PHF24: variants seen among roughly 807,000 people sequenced by gnomAD.
The protein encoded by PHF24 is Galpha inhibitory interacting protein.
In PHF24, 25 loss-of-function variants were observed where a neutral mutation model predicts 42.6. The observed-to-expected ratio is 0.59, with a 90% CI of 0.43 to 0.82. The LOEUF (loss-of-function observed/expected upper bound fraction) is 0.82, where lower values mean the gene tolerates loss of function less well. PHF24 is among the 40% of genes least tolerant of loss of function. The probability of loss-of-function intolerance (pLI) is 0.00; values close to 1 mark genes in which losing one functional copy is unlikely to be tolerated. For missense variants in PHF24, 470 were observed against 538.1 expected (o/e 0.87, Z 1.25); for synonymous variants, 185 against 204.8 (o/e 0.90, Z 0.83).
chr9:34,912,390 G>C, the PHF24 span, among the ~76,000 whole-genome samples: 1 of 152,146 alleles, frequency 6.6e-6, no homozygotes, highest in South Asian at 2.1e-4. Context: ...CTGGTAAAAA[G>C]GGGCTCCTGA....
At chr9:34,976,844 C>A in intron 5 of PHF24, 104 bp downstream of exon 5, 2 of 1,061,806 alleles carry the variant, frequency 1.9e-6, no homozygotes, top group Non-Finnish European at 2.7e-6. Context: ...CAAGCAGGGA[C>A]AAGTATCAGG....
At chr9:34,909,134 C>G in the PHF24 span, among the ~76,000 whole-genome samples, 1 of 152,166 alleles carries the variant, frequency 6.6e-6, no homozygotes, top group East Asian at 1.9e-4. Context: ...AGGTGAGCCA[C>G]CATGCCCGGC....
the PHF24 span, among the ~76,000 whole-genome samples, chr9:34,680,716 A>AAT: frequency 8.5e-5 from 12 of 141,274 alleles, no homozygotes; most frequent in South Asian, 2.1e-4. Flanking sequence ...ATAAAAAAAA[A>AAT]AATAAAATAA....
chr9:34,982,452 C>G lies in PHF24; in HGVS notation c.*4341C>G, dbSNP rs536926837. Reference sequence around the variant, plus strand: ...TCCCTGTCTCTACAGCTGCATGCTCCTCTGCGTGGCCCAGCCTTCACAGCG... The same window carrying G: ...TCCCTGTCTCTACAGCTGCATGCTCGTCTGCGTGGCCCAGCCTTCACAGCG... On this transcript the variant is annotated 3_prime_UTR_variant, in exon 8 of 8. Coordinates refer to ENST00000242315, the Ensembl canonical transcript of PHF24. 3 of 152,396 alleles carry G rather than the reference C, an allele frequency of 2.0e-5. No homozygotes were observed. In the South Asian group the frequency reaches 6.2e-4, roughly 32 times the overall value. The allele number at this position is 152,396 out of a possible 1,614,324, so 9.4% of individuals were successfully genotyped here.
chr9:34,945,956 A>G, the PHF24 span, among the ~76,000 whole-genome samples: 1 of 152,220 alleles, frequency 6.6e-6, no homozygotes, highest in Non-Finnish European at 1.5e-5. Context: ...ACATCTTGTC[A>G]GAATAAGCCT....
At chr9:34,715,610 G>C in the PHF24 span, among the ~76,000 whole-genome samples, 4 of 152,176 alleles carry the variant, frequency 2.6e-5, no homozygotes, top group South Asian at 4.1e-4. Flanking sequence ...AGAGAAACTG[G>C]CTACTTTGTG....
At chr9:34,909,777 A>G in the PHF24 span, among the ~76,000 whole-genome samples, 2 of 152,040 alleles carry the variant, frequency 1.3e-5, no homozygotes, top group Admixed American at 6.5e-5. Flanking sequence ...ATCCGCCACC[A>G]TGCCTGGCTA....
At chr9:34,818,966 G>T in the PHF24 span, among the ~76,000 whole-genome samples, 1 of 152,176 alleles carries the variant, frequency 6.6e-6, no homozygotes, top group Non-Finnish European at 1.5e-5. Flanking sequence ...TTTAATGACA[G>T]TTTCAAGTTT....
the PHF24 span, among the ~76,000 whole-genome samples, chr9:34,744,047 G>T: frequency 6.6e-6 from 1 of 152,310 alleles, no homozygotes; most frequent in East Asian, 1.9e-4. Flanking sequence ...CTCTGCTCTT[G>T]TGACCTAATT....
the PHF24 span, among the ~76,000 whole-genome samples, chr9:34,892,029 C>G: frequency 6.6e-6 from 1 of 152,198 alleles, no homozygotes. Flanking sequence ...GGGCCAAAGC[C>G]TCCCCTGTTT....
the PHF24 span, among the ~76,000 whole-genome samples, chr9:34,786,378 A>T: frequency 1.3e-5 from 2 of 152,132 alleles, no homozygotes; most frequent in African/African-American, 4.8e-5. Flanking sequence ...CAAAGTTTAA[A>T]CTGCCTTCAT....
At chr9:34,779,377 C>T in the PHF24 span, among the ~76,000 whole-genome samples, 1 of 152,090 alleles carries the variant, frequency 6.6e-6, no homozygotes, top group Admixed American at 6.6e-5. Context: ...CTTTAACTTT[C>T]CTATGTGTTT....
At chr9:34,693,492 G>A in the PHF24 span, among the ~76,000 whole-genome samples, 3 of 152,150 alleles carry the variant, frequency 2.0e-5, no homozygotes, top group Admixed American at 1.3e-4. Context: ...TTAGAAACAC[G>A]AATTCTTAGA....
the PHF24 span, among the ~76,000 whole-genome samples, chr9:34,757,067 G>C: frequency 6.6e-6 from 1 of 151,968 alleles, no homozygotes; most frequent in African/African-American, 2.4e-5. Flanking sequence ...ACCACACTTA[G>C]GCACTTTTTG....
At chr9:34,666,705 T>C in the PHF24 span, among the ~76,000 whole-genome samples, 1 of 152,070 alleles carries the variant, frequency 6.6e-6, no homozygotes. Flanking sequence ...CCCAGCACTT[T>C]GGGAGGCCGA....
intron 3 of PHF24, among the ~76,000 whole-genome samples, chr9:34,973,920 A>C (rs572125089): frequency 1.8e-4 from 28 of 152,142 alleles, no homozygotes; most frequent in African/African-American, 6.7e-4. Flanking sequence ...CATCATTGCC[A>C]CCATGCTCCA....
the PHF24 span, among the ~76,000 whole-genome samples, chr9:34,856,816 C>T: frequency 6.6e-6 from 1 of 152,322 alleles, no homozygotes; most frequent in East Asian, 1.9e-4. Context: ...AGCAGGTGTG[C>T]TGCACTGACT....
the PHF24 span, chr9:34,922,381 C>G: frequency 6.9e-7 from 1 of 1,451,134 alleles, no homozygotes; most frequent in Non-Finnish European, 9.7e-7. Flanking sequence ...GAATTCAGAA[C>G]GTCATAATAG....
At chr9:34,915,557 G>T in the PHF24 span, among the ~76,000 whole-genome samples, 4 of 151,524 alleles carry the variant, frequency 2.6e-5, no homozygotes, top group African/African-American at 9.7e-5. Flanking sequence ...AATTTTAAGG[G>T]TTCACAAAGT....
Sources: gnomAD v4.1 joint callset for allele counts (sites outside exome capture counted in the v4.1 genomes callset) on GRCh38, gnomAD v4.1.1 for gene constraint, MANE v1.5 for transcripts, NCBI Gene and HGNC (gene_info 2026-07-23, HGNC 2026-07-21) for gene names.